Variants in CSMD2 observed in about 807,000 individuals in gnomAD.
CSMD2 encodes the protein CUB and sushi domain-containing protein 2.
Under a neutral mutation model 398.5 loss-of-function variants are expected in CSMD2, and 130 were observed. The observed-to-expected ratio is 0.33, with a 90% confidence interval of 0.28 to 0.38. The LOEUF (loss-of-function observed/expected upper bound fraction) is 0.38, where lower values mean the gene tolerates loss of function less well. Among genes scored for constraint, CSMD2 ranks in the 10% least tolerant of loss-of-function variants. The pLI is 1.00. For synonymous variants in CSMD2, 1,828 were observed against 1,908.5 expected (o/e 0.96, Z 1.10); for missense variants, 3,829 against 4,764.9 (o/e 0.80, Z 5.78).
intron 13 of CSMD2, among the ~76,000 whole-genome samples, chr1:33,745,451 T>C (rs1309179143): frequency 6.6e-6 from 1 of 152,216 alleles, no homozygotes; most frequent in Non-Finnish European, 1.5e-5. Context: ...ATTAAATTGA[T>C]ATTTAAGTGA....
At chr1:34,098,817 T>C (rs536302945) in intron 1 of CSMD2, among the ~76,000 whole-genome samples, 41 of 152,166 alleles carry the variant, frequency 2.7e-4, no homozygotes, top group African/African-American at 9.2e-4. Flanking sequence ...CATAAAATAA[T>C]GAGAAGAAAA....
chr1:33,781,221 C>G (rs958698743), intron 12 of CSMD2, among the ~76,000 whole-genome samples: 1 of 152,172 alleles, frequency 6.6e-6, no homozygotes, highest in Non-Finnish European at 1.5e-5. Flanking sequence ...TTTCTAAGCC[C>G]ACCTGTTCCC....
chr1:34,076,820 T>C (rs1656381856), intron 2 of CSMD2, among the ~76,000 whole-genome samples: 1 of 147,024 alleles, frequency 6.8e-6, no homozygotes, highest in Admixed American at 6.9e-5. Flanking sequence ...GCCAATGCTA[T>C]GCAGCTAGGG....
chr1:33,758,252 G>A (rs866980444), intron 13 of CSMD2, among the ~76,000 whole-genome samples: 2 of 151,966 alleles, frequency 1.3e-5, no homozygotes, highest in African/African-American at 2.4e-5. Flanking sequence ...TAGAATGTTC[G>A]CTCCTCCCCC....
chr1:33,542,832 A>G lies in CSMD2; in HGVS notation c.9165T>C (p.Val3055=). The stretch of plus-strand genomic sequence containing the variant: ...ACTCATAGACGATAGAGCTGGAGAA[A>G]ACCAGGCCATCACTGAACACAACTC... ...NARVVFSDGL[V]FSSSIVYECR... The change falls in exon 58 of 71, where the codon GTT becomes GTC. Residue 3055 remains valine (V), a synonymous_variant. Transcript: ENST00000373381. 6.2e-7 allele frequency: 1 copy of G among 1,614,194 alleles called. No individual in the cohort carries two copies. The highest frequency in any genetic ancestry group is 1.1e-5 in the South Asian group (1 of 91,080).
chr1:33,795,088 G>A (rs1654793915), intron 10 of CSMD2, among the ~76,000 whole-genome samples: 2 of 151,386 alleles, frequency 1.3e-5, no homozygotes, highest in African/African-American at 2.4e-5. Context: ...CTGTAGCAAG[G>A]TCAAGGTGAG....
chr1:33,710,652 C>T (rs1309040685), intron 21 of CSMD2, among the ~76,000 whole-genome samples: 1 of 152,160 alleles, frequency 6.6e-6, no homozygotes, highest in African/African-American at 2.4e-5. Flanking sequence ...GCTAGAAAAG[C>T]CCTGGGGTTG....
At chr1:33,688,594 G>T (rs1645132849) in intron 25 of CSMD2, among the ~76,000 whole-genome samples, 1 of 152,162 alleles carries the variant, frequency 6.6e-6, no homozygotes, top group Non-Finnish European at 1.5e-5. Flanking sequence ...GGAGGCTGAG[G>T]CAGGAGAATC....
intron 13 of CSMD2, among the ~76,000 whole-genome samples, chr1:33,768,673 T>C (rs111975527): frequency 2.0e-4 from 30 of 151,684 alleles, no homozygotes; most frequent in Admixed American, 1.3e-3. Flanking sequence ...TCCCACAGCA[T>C]CTCTGTGGGC....
rs1570723270 is a variant in CSMD2, at chr1:33,556,897, T to G, written c.8743+837A>C. ...TGTTTGCTTCTCCTTCCACCATGATTGTAAGTTTCCTGAGGCCTCCCCAGC... is the reference window on the plus strand; with the variant it reads ...TGTTTGCTTCTCCTTCCACCATGATGGTAAGTTTCCTGAGGCCTCCCCAGC... On this transcript the variant is annotated intron_variant, in intron 55 of 70. Coordinates refer to ENST00000373381, the MANE Select transcript of CSMD2 (RefSeq NM_001281956.2). Among the ~76,000 whole-genome samples the G allele has an allele frequency of 2.6e-5, 4 of 152,294 alleles. No homozygotes were observed. The South Asian group carries it at 8.3e-4, about 32-fold the overall frequency.
At chr1:33,625,793 T>G (rs1642085485) in intron 33 of CSMD2, among the ~76,000 whole-genome samples, 1 of 152,156 alleles carries the variant, frequency 6.6e-6, no homozygotes, top group Non-Finnish European at 1.5e-5. Context: ...CAGAGTCGAA[T>G]GAACAGGACC....
At chr1:33,931,198 C>T (rs1419614615) in intron 4 of CSMD2, among the ~76,000 whole-genome samples, 9 of 151,584 alleles carry the variant, frequency 5.9e-5, no homozygotes, top group Non-Finnish European at 1.5e-5. Flanking sequence ...TGAGGTTTAC[C>T]CACTCGCAGA....
intron 5 of CSMD2, chr1:33,860,499 G>A (rs10914801): frequency 0.13 from 19,989 of 152,066 alleles, 1,627 homozygotes; most frequent in Middle Eastern, 0.24. Flanking sequence ...AGATTTCCCC[G>A]CTGTAAAGTT....
At chr1:33,709,284 A>T (rs1287137134) in intron 21 of CSMD2, 26 bp from the exon 22 acceptor site, 1 of 1,598,826 alleles carries the variant, frequency 6.3e-7, no homozygotes, top group South Asian at 1.1e-5. Flanking sequence ...CAATAACCAT[A>T]GATTAACCCC....
intron 7 of CSMD2, among the ~76,000 whole-genome samples, chr1:33,824,582 G>A (rs907111649): frequency 4.6e-5 from 7 of 152,026 alleles, no homozygotes; most frequent in African/African-American, 9.7e-5. Flanking sequence ...CACAGAGCTC[G>A]AAAACCACCG....
chr1:33,795,559 G>A (rs1035043111), intron 10 of CSMD2, among the ~76,000 whole-genome samples: 9 of 152,172 alleles, frequency 5.9e-5, no homozygotes, highest in South Asian at 4.1e-4. Flanking sequence ...CCTGACTTAC[G>A]CAGGCTCTTC....
intron 1 of CSMD2, among the ~76,000 whole-genome samples, chr1:34,091,731 G>C (rs1208372737): frequency 6.6e-6 from 1 of 152,058 alleles, no homozygotes; most frequent in Non-Finnish European, 1.5e-5. Context: ...ATTAAAATAA[G>C]CATTCAAAAC....
chr1:33,521,426 C>G, intron 68 of CSMD2, 37 bp downstream of exon 68: 1 of 1,075,216 alleles, frequency 9.3e-7, no homozygotes. Flanking sequence ...CTCCCACCCA[C>G]CCGGGCCCAC....
intron 1 of CSMD2, among the ~76,000 whole-genome samples, chr1:34,125,429 T>C (rs1662633057): frequency 6.6e-6 from 1 of 152,096 alleles, no homozygotes; most frequent in Non-Finnish European, 1.5e-5. Flanking sequence ...ACGGCAGGTA[T>C]GGCGCTCACA....
Sources: gnomAD v4.1 joint callset for allele counts (sites outside exome capture counted in the v4.1 genomes callset) on GRCh38, gnomAD v4.1.1 for gene constraint, MANE v1.5 for transcripts, NCBI Gene and HGNC (gene_info 2026-07-23, HGNC 2026-07-21) for gene names.